Variants in TXNRD2 observed in about 807,000 individuals in gnomAD.
TXNRD2 encodes thioredoxin reductase 2, mitochondrial.
TXNRD2 carries 67 observed loss-of-function variants against 70.8 expected under a neutral mutation model. The observed-to-expected ratio is 0.95, with a 90% CI of 0.78 to 1.16. The LOEUF (loss-of-function observed/expected upper bound fraction) is 1.16, where lower values mean the gene tolerates loss of function less well. Ranked by LOEUF, TXNRD2 falls within the 50% of genes most tolerant of loss-of-function variation. The probability of loss-of-function intolerance (pLI) is 0.00; values close to 1 mark genes in which losing one functional copy is unlikely to be tolerated. For synonymous variants in TXNRD2, 301 were observed against 295.8 expected, an observed-to-expected ratio of 1.02 and a Z score of -0.18; for missense variants, 644 against 719.9, an observed-to-expected ratio of 0.89 and a Z score of 1.21.
At chr22:19,907,256 G>A (rs1428187007) in intron 8 of TXNRD2, among the ~76,000 whole-genome samples, 48 of 50,120 alleles carry the variant, frequency 9.6e-4, no homozygotes, top group Middle Eastern at 0.014. Flanking sequence ...GAGTGTGGGC[G>A]CCGTGGGTAG....
intron 11 of TXNRD2, among the ~76,000 whole-genome samples, chr22:19,886,027 C>T (rs1939013796): frequency 6.6e-6 from 1 of 152,268 alleles, no homozygotes; most frequent in African/African-American, 2.4e-5. Flanking sequence ...ATGTGAAAGG[C>T]ATGACAGCTG....
At chr22:19,933,401 G>A in intron 1 of TXNRD2, 3 of 1,273,956 alleles carry the variant, frequency 2.4e-6, no homozygotes, top group Non-Finnish European at 3.1e-6. Context: ...CCAGCTGCCT[G>A]GTAGCCGGAA....
chr22:19,891,217 A>G (rs1056166418), intron 11 of TXNRD2, among the ~76,000 whole-genome samples: 1 of 152,100 alleles, frequency 6.6e-6, no homozygotes, highest in South Asian at 2.1e-4. Flanking sequence ...GTCTCGTCTC[A>G]CCTGCCATAT....
chr22:19,925,242 C>T (rs1032173749), intron 2 of TXNRD2, among the ~76,000 whole-genome samples: 1 of 151,856 alleles, frequency 6.6e-6, no homozygotes, highest in Non-Finnish European at 1.5e-5. Context: ...TGAGATCGCA[C>T]CACTGCACTC....
intron 1 of TXNRD2, among the ~76,000 whole-genome samples, chr22:19,935,403 GTTGT>G (rs1941505094): frequency 6.6e-6 from 1 of 152,134 alleles, no homozygotes; most frequent in Non-Finnish European, 1.5e-5. Flanking sequence ...CATGTTTTCC[GTTGT>G]TTAAGATGTT....
At chr22:19,880,583 T>C (rs1274133893) in intron 13 of TXNRD2, 39 bp downstream of exon 13, 2 of 1,583,178 alleles carry the variant, frequency 1.3e-6, no homozygotes, top group Admixed American at 1.7e-5. Flanking sequence ...GAACTCAGCC[T>C]GTCCTAGGCT....
In TXNRD2 at chr22:19,934,566, CT is replaced by C. The variant is rs199827549; in HGVS notation, c.104-3469del. On this transcript the variant is annotated intron_variant, in intron 1 of 17. Transcript: ENST00000400521. ...CCAAGTAATACTTTTATACTTTTTTCTTTTTTTTTTTTTTGAGGCAGATTCT... is the reference window on the plus strand; with the variant it reads ...CCAAGTAATACTTTTATACTTTTTTCTTTTTTTTTTTTTGAGGCAGATTCT... Among the ~76,000 whole-genome samples the C allele has an allele frequency of 7.4e-3, 1,054 of 141,734 alleles. 8 individuals are homozygous for C. The highest frequency in any genetic ancestry group is 0.021 in the African/African-American group (813 of 38,762). The allele number at this position is 141,734 out of a possible 152,430, so 93.0% of individuals were successfully genotyped here. A position where few individuals can be genotyped will look rare whatever the true frequency, so the allele number is the denominator to read the frequency against.
chr22:19,890,630 C>T (rs1302155767), intron 11 of TXNRD2, among the ~76,000 whole-genome samples: 1 of 152,210 alleles, frequency 6.6e-6, no homozygotes, highest in Non-Finnish European at 1.5e-5. Flanking sequence ...GCACCCACAC[C>T]AGCACAGAGG....
At chr22:19,913,131 C>T (rs1601444155) in intron 7 of TXNRD2, among the ~76,000 whole-genome samples, 2 of 152,282 alleles carry the variant, frequency 1.3e-5, no homozygotes, top group African/African-American at 2.4e-5. Flanking sequence ...CCCCTCACCC[C>T]GGGGCCCCTT....
rs1327103701 is a variant in TXNRD2, at chr22:19,907,084, A to G, written c.662+4293T>C. Among the ~76,000 whole-genome samples, 4 of 104,782 alleles carry G rather than the reference A, an allele frequency of 3.8e-5. No homozygotes were observed. The Admixed American group carries it at 5.0e-4, about 13-fold the overall frequency. The allele number at this position is 104,782 out of a possible 152,430, so 68.7% of individuals were successfully genotyped here. On this transcript the variant is annotated intron_variant, in intron 8 of 17. Transcript: ENST00000400521. ...GCCGTGGATAGCAGTGACGGCTCTC[A>G]GGAGAGTGTGGGCGCCATGGGTAGC...
intron 8 of TXNRD2, among the ~76,000 whole-genome samples, chr22:19,900,410 T>A (rs1346439048): frequency 6.6e-6 from 1 of 152,198 alleles, no homozygotes; most frequent in Non-Finnish European, 1.5e-5. Context: ...AACCAAACTC[T>A]TTTTGGACTT....
intron 11 of TXNRD2, among the ~76,000 whole-genome samples, chr22:19,890,085 T>C (rs1221773144): frequency 1.3e-5 from 2 of 152,000 alleles, no homozygotes; most frequent in African/African-American, 2.4e-5. Flanking sequence ...ACCAGGCTGG[T>C]GGGTAAGCAC....
intron 5 of TXNRD2, among the ~76,000 whole-genome samples, chr22:19,917,008 C>G (rs1184224275): frequency 6.6e-6 from 1 of 152,240 alleles, no homozygotes; most frequent in Non-Finnish European, 1.5e-5. Flanking sequence ...AAGCCTGTGC[C>G]TCTATGGGCT....
chr22:19,926,208 G>A (rs1941137277), intron 2 of TXNRD2, among the ~76,000 whole-genome samples: 3 of 150,670 alleles, frequency 2.0e-5, no homozygotes, highest in East Asian at 1.9e-4. Context: ...AATGCGAAGA[G>A]GCCAGGCACG....
intron 8 of TXNRD2, among the ~76,000 whole-genome samples, chr22:19,909,718 G>GCACACACACCACTCACACACACACCA (rs1940265500): frequency 2.8e-5 from 1 of 36,042 alleles, no homozygotes; most frequent in African/African-American, 1.1e-4. Context: ...CACACACCAC[G>GCACACACACCACTCACACACACACCA]CACACACACC....
intron 8 of TXNRD2, chr22:19,910,895 T>C (rs1391069045): frequency 3.6e-6 from 1 of 274,936 alleles, no homozygotes; most frequent in East Asian, 1.1e-4. Flanking sequence ...ACCAAGATGG[T>C]GAAACCCCAT....
intron 8 of TXNRD2, chr22:19,903,117 C>A (rs1939851354): frequency 2.0e-6 from 1 of 491,802 alleles, no homozygotes; most frequent in African/African-American, 1.9e-5. Context: ...CTGGCTGCAG[C>A]CCCTCCCCCA....
In TXNRD2 at chr22:19,918,421, A is replaced by G. The variant is rs10427871; in HGVS notation, c.375-204T>C. Among the ~76,000 whole-genome samples, 3,053 of 152,340 alleles carry G rather than the reference A, an allele frequency of 0.02. 86 individuals are homozygous for G. The highest frequency in any genetic ancestry group is 0.068 in the African/African-American group (2,811 of 41,576). On this transcript the variant is annotated intron_variant, in intron 4 of 17. Coordinates refer to ENST00000400521, the MANE Select transcript of TXNRD2 (RefSeq NM_006440.5). ...GCTGCAGACCTTTGGACTCACAGAA[A>G]ACAGGGGCTCTGACCCACGGCTCTC... is the stretch of plus-strand genomic sequence containing the variant.
At chr22:19,914,107 A>C (rs896567091) in intron 7 of TXNRD2, among the ~76,000 whole-genome samples, 1 of 152,248 alleles carries the variant, frequency 6.6e-6, no homozygotes, top group Non-Finnish European at 1.5e-5. Context: ...TACGTGAAGA[A>C]ACAAGAAACC....
Sources: gnomAD v4.1 joint callset for allele counts (sites outside exome capture counted in the v4.1 genomes callset) on GRCh38, gnomAD v4.1.1 for gene constraint, MANE v1.5 for transcripts, NCBI Gene and HGNC (gene_info 2026-07-23, HGNC 2026-07-21) for gene names.